ME3: variants seen among roughly 807,000 people sequenced by gnomAD.
The protein encoded by ME3 is NADP-dependent malic enzyme, mitochondrial.
Under a neutral mutation model 68.9 loss-of-function variants are expected in ME3, and 48 were observed. The ratio of observed to expected loss-of-function variants is 0.70; its 90% CI spans 0.55 to 0.89. The LOEUF is 0.89. ME3 is among the 40% of genes least tolerant of loss of function. The pLI is 0.00. For synonymous variants in ME3, 320 were observed against 318.8 expected (o/e 1.00, Z -0.04); for missense variants, 675 against 797.4 (o/e 0.85, Z 1.85).
At chr11:86,519,393 T>C (rs1347762869) in intron 4 of ME3, among the ~76,000 whole-genome samples, 1 of 152,236 alleles carries the variant, frequency 6.6e-6, no homozygotes, top group Non-Finnish European at 1.5e-5. Context: ...AGAAAAAGAC[T>C]CTTAACCCTT....
chr11:86,507,739 T>C (rs1953190598), intron 5 of ME3, among the ~76,000 whole-genome samples: 1 of 152,180 alleles, frequency 6.6e-6, no homozygotes, highest in Non-Finnish European at 1.5e-5. Flanking sequence ...TCCCAGAATT[T>C]TGGGAGGCGT....
chr11:86,647,645 C>T (rs1207741506), intron 2 of ME3, among the ~76,000 whole-genome samples: 1 of 151,656 alleles, frequency 6.6e-6, no homozygotes, highest in Non-Finnish European at 1.5e-5. Flanking sequence ...CAACAAAGAT[C>T]AAAAAAGACA....
intron 2 of ME3, among the ~76,000 whole-genome samples, chr11:86,593,012 C>A (rs10400291): frequency 0.23 from 34,303 of 152,052 alleles, 4,178 homozygotes; most frequent in East Asian, 0.39. Flanking sequence ...GAAATGCAGA[C>A]CCCTCTGCAT....
At chr11:86,508,732 G>T in intron 5 of ME3, 60 bp downstream of exon 5, 1 of 1,468,802 alleles carries the variant, frequency 6.8e-7, no homozygotes, top group African/African-American at 1.4e-5. Flanking sequence ...AAATGACTCT[G>T]GTTTAGGCTG....
exon 15 of ME3, chr11:86,441,337 G>C (rs760419666): frequency 3.1e-6 from 5 of 1,613,298 alleles, no homozygotes; most frequent in Admixed American, 1.7e-5. Flanking sequence ...CAGTGTAAAG[G>C]AGTCATAGTC....
intron 2 of ME3, among the ~76,000 whole-genome samples, chr11:86,671,348 C>T (rs879506233): frequency 2.0e-5 from 3 of 152,156 alleles, no homozygotes. Context: ...CATTTTCTAC[C>T]CGCATTTTCT....
At chr11:86,568,036 T>A (rs970500659) in intron 2 of ME3, among the ~76,000 whole-genome samples, 2 of 136,614 alleles carry the variant, frequency 1.5e-5, no homozygotes, top group African/African-American at 2.6e-5. Flanking sequence ...CTTACCACAT[T>A]GAGAAGTTAC....
At chr11:86,556,972 T>C (rs879275605) in intron 3 of ME3, among the ~76,000 whole-genome samples, 1 of 152,192 alleles carries the variant, frequency 6.6e-6, no homozygotes, top group Non-Finnish European at 1.5e-5. Flanking sequence ...GTAGGGATTA[T>C]AATTCTTGCT....
chr11:86,455,177 G>T (rs1389089404), intron 8 of ME3, among the ~76,000 whole-genome samples: 1 of 151,954 alleles, frequency 6.6e-6, no homozygotes, highest in Admixed American at 6.6e-5. Flanking sequence ...AGTACACAGT[G>T]TGCACCCTCT....
In ME3 at chr11:86,647,990, T is replaced by C. The variant is rs548641678; in HGVS notation, c.183+23772A>G. On this transcript the variant is annotated intron_variant, in intron 2 of 14. Transcript: ENST00000543262. ...GAACCACATAGCACTTATTCTAAAA[T>C]TGACCACATAATTGGAAGTAAAATA... 4.5e-4 allele frequency among the ~76,000 whole-genome samples: 69 copies of C among 152,312 alleles called. 1 individual carries two copies. Among genetic ancestry groups the C allele is most frequent in the Non-Finnish European group, 9.1e-4 (62 of 68,032 alleles).
At chr11:86,596,704 A>C (rs1959523728) in intron 2 of ME3, among the ~76,000 whole-genome samples, 1 of 152,212 alleles carries the variant, frequency 6.6e-6, no homozygotes, top group Non-Finnish European at 1.5e-5. Context: ...AAGAAACTGA[A>C]ATTTCAGAAA....
At chr11:86,447,974 T>C (rs1033723744) in intron 11 of ME3, among the ~76,000 whole-genome samples, 176 bp downstream of exon 11, 5 of 152,188 alleles carry the variant, frequency 3.3e-5, no homozygotes, top group African/African-American at 1.2e-4. Flanking sequence ...GCCTTAGTTT[T>C]GTGGTTTCTA....
intron 4 of ME3, among the ~76,000 whole-genome samples, chr11:86,556,301 T>C (rs907261666): frequency 4.6e-5 from 7 of 152,208 alleles, no homozygotes; most frequent in African/African-American, 1.7e-4. Context: ...AGGCCAACTC[T>C]GAGCATGCTG....
intron 3 of ME3, among the ~76,000 whole-genome samples, chr11:86,558,934 T>C (rs1049057765): frequency 2.6e-5 from 4 of 152,222 alleles, no homozygotes; most frequent in African/African-American, 7.2e-5. Flanking sequence ...AGTCTAGTAC[T>C]AGAGTCTGGT....
At chr11:86,616,141 A>G (rs1007202324) in intron 2 of ME3, among the ~76,000 whole-genome samples, 1 of 152,208 alleles carries the variant, frequency 6.6e-6, no homozygotes, top group Non-Finnish European at 1.5e-5. Flanking sequence ...ATTTTGGTAA[A>G]TATCTTTTTA....
At chr11:86,517,875 G>C (rs551679713) in intron 4 of ME3, among the ~76,000 whole-genome samples, 170 of 152,240 alleles carry the variant, frequency 1.1e-3, no homozygotes, top group African/African-American at 3.5e-3. Context: ...TCAGAATATG[G>C]GTGCTGGAAG....
intron 2 of ME3, among the ~76,000 whole-genome samples, chr11:86,632,326 G>C (rs985287890): frequency 7.9e-5 from 12 of 152,126 alleles, no homozygotes; most frequent in African/African-American, 2.9e-4. Context: ...CTAAATAGGG[G>C]AGTGAAGAAG....
intron 2 of ME3, among the ~76,000 whole-genome samples, chr11:86,657,481 GCA>G (rs1224696188): frequency 7.4e-6 from 1 of 134,648 alleles, no homozygotes; most frequent in East Asian, 2.4e-4. Context: ...GGGGTGTGGG[GCA>G]AGGGGAGGGA....
intron 2 of ME3, among the ~76,000 whole-genome samples, chr11:86,566,275 G>A (rs949839988): frequency 1.3e-5 from 2 of 152,210 alleles, no homozygotes; most frequent in African/African-American, 4.8e-5. Flanking sequence ...TATCTATACT[G>A]AGTCCCAAAT....
Sources: gnomAD v4.1 joint callset for allele counts (sites outside exome capture counted in the v4.1 genomes callset) on GRCh38, gnomAD v4.1.1 for gene constraint, MANE v1.5 for transcripts, NCBI Gene and HGNC (gene_info 2026-07-23, HGNC 2026-07-21) for gene names.